Variants in CCSER1 observed in about 807,000 individuals in gnomAD.
CCSER1 encodes the protein coiled-coil serine rich protein 1.
In CCSER1, 41 loss-of-function variants were observed where a neutral mutation model predicts 82.0. That is an observed-to-expected ratio of 0.50 (90% CI 0.39 to 0.65). CCSER1 has a LOEUF of 0.65. Ranked by LOEUF, CCSER1 falls within the 30% of genes least tolerant of loss-of-function variation. CCSER1 has a pLI of 0.00. For missense variants in CCSER1, 1,119 were observed against 1,064.2 expected, an observed-to-expected ratio of 1.05 and a Z score of -0.72; for synonymous variants, 414 against 383.9, an observed-to-expected ratio of 1.08 and a Z score of -0.92.
chr4:90,863,552 C>A (rs1765356337), intron 8 of CCSER1, among the ~76,000 whole-genome samples: 1 of 150,538 alleles, frequency 6.6e-6, no homozygotes, highest in Admixed American at 6.6e-5. Context: ...TTCTTTTTTT[C>A]TTTTTACAGC....
intron 5 of CCSER1, among the ~76,000 whole-genome samples, chr4:90,511,812 G>C (rs896877237): frequency 1.3e-5 from 2 of 152,136 alleles, no homozygotes; most frequent in Admixed American, 1.3e-4. Context: ...ATAGGTATAA[G>C]GGGAGGTAAT....
At chr4:90,286,293 G>C (rs1277083975) in intron 1 of CCSER1, among the ~76,000 whole-genome samples, 1 of 151,808 alleles carries the variant, frequency 6.6e-6, no homozygotes, top group African/African-American at 2.4e-5. Flanking sequence ...AGACTTCCTA[G>C]TACTGTTTCT....
intron 10 of CCSER1, among the ~76,000 whole-genome samples, chr4:91,160,720 T>C (rs539289070): frequency 6.6e-6 from 1 of 152,206 alleles, no homozygotes; most frequent in South Asian, 2.1e-4. Flanking sequence ...GTACATATCC[T>C]TTGCCCACTT....
At chr4:90,243,510 G>C (rs951093253) in intron 1 of CCSER1, among the ~76,000 whole-genome samples, 3 of 151,714 alleles carry the variant, frequency 2.0e-5, no homozygotes, top group African/African-American at 4.9e-5. Flanking sequence ...GCCTCCCAGA[G>C]TGTTGGGATT....
chr4:90,481,158 C>G (rs1337409160), intron 5 of CCSER1, among the ~76,000 whole-genome samples: 1 of 152,146 alleles, frequency 6.6e-6, no homozygotes, highest in Admixed American at 6.5e-5. Context: ...TGGGAGTTCA[C>G]TCATGATTTG....
intron 5 of CCSER1, among the ~76,000 whole-genome samples, chr4:90,507,245 A>T (rs148015273): frequency 0.012 from 1,768 of 152,218 alleles, 13 homozygotes; most frequent in South Asian, 0.022. Context: ...CTTAAAAAAA[A>T]ATAGACATGT....
chr4:90,439,158 G>T (rs1013787374), intron 4 of CCSER1, among the ~76,000 whole-genome samples: 2 of 151,930 alleles, frequency 1.3e-5, no homozygotes, highest in Non-Finnish European at 2.9e-5. Flanking sequence ...TCAGTCGTGG[G>T]CACCTGTGGT....
intron 6 of CCSER1, among the ~76,000 whole-genome samples, chr4:90,629,025 T>C (rs1455879330): frequency 1.3e-5 from 2 of 152,172 alleles, no homozygotes; most frequent in Admixed American, 1.3e-4. Context: ...TATTACATCC[T>C]ATTATATTTA....
chr4:90,219,354 C>G (rs11097245), intron 1 of CCSER1, among the ~76,000 whole-genome samples: 99,431 of 152,026 alleles, frequency 0.65, 35,013 homozygotes, highest in African/African-American at 0.91. Context: ...GATTAATTCT[C>G]TTATCAGGTT....
At chr4:91,435,646 A>AT (rs988479246) in intron 10 of CCSER1, among the ~76,000 whole-genome samples, 4 of 152,146 alleles carry the variant, frequency 2.6e-5, no homozygotes, top group African/African-American at 9.7e-5. Context: ...TCTTTTATAT[A>AT]TTTTTTGAAA....
chr4:90,880,431 G>A (rs1721129631), intron 8 of CCSER1, among the ~76,000 whole-genome samples: 1 of 152,190 alleles, frequency 6.6e-6, no homozygotes, highest in Admixed American at 6.5e-5. Flanking sequence ...AGTTGGAGGT[G>A]TGTGGGACCC....
At chr4:90,283,450 A>AT (rs1480866622) in intron 1 of CCSER1, among the ~76,000 whole-genome samples, 5 of 152,034 alleles carry the variant, frequency 3.3e-5, no homozygotes, top group African/African-American at 1.2e-4. Context: ...AATCAGGATA[A>AT]TTGGAAAAAT....
intron 9 of CCSER1, among the ~76,000 whole-genome samples, chr4:90,969,582 C>CAT (rs1397640391): frequency 6.6e-6 from 1 of 151,854 alleles, no homozygotes; most frequent in East Asian, 1.9e-4. Flanking sequence ...AAGAGATAAA[C>CAT]ACTTTCCCAG....
At chr4:90,803,855 ACATCTTCTCCAG>A (rs1025696504) in intron 7 of CCSER1, among the ~76,000 whole-genome samples, 8 of 152,236 alleles carry the variant, frequency 5.3e-5, no homozygotes, top group African/African-American at 1.9e-4. Flanking sequence ...CTATTTCTCC[ACATCTTCTCCAG>A]CATCTGTTGT....
intron 9 of CCSER1, among the ~76,000 whole-genome samples, chr4:91,034,941 TTGACATTTTCTTCATGA>T (rs1443385672): frequency 1.3e-5 from 2 of 152,154 alleles, no homozygotes; most frequent in African/African-American, 4.8e-5. Context: ...GAGAAATAGC[TTGACATTTTCTTCATGA>T]TGACAAAGCC....
chr4:90,296,856 G>C (rs528994219), intron 1 of CCSER1, among the ~76,000 whole-genome samples: 4,762 of 151,858 alleles, frequency 0.031, 192 homozygotes, highest in African/African-American at 0.095. Context: ...ATCTATATCT[G>C]TGTTTTGGTA....
At chr4:91,359,687 A>T (rs1749116546) in intron 10 of CCSER1, among the ~76,000 whole-genome samples, 1 of 151,608 alleles carries the variant, frequency 6.6e-6, no homozygotes, top group Non-Finnish European at 1.5e-5. Context: ...AAAAGGGCTA[A>T]GCAATCTTGC....
chr4:90,243,092 C>G (rs1039302559), intron 1 of CCSER1, among the ~76,000 whole-genome samples: 1 of 113,024 alleles, frequency 8.8e-6, no homozygotes, highest in Non-Finnish European at 1.7e-5. Context: ...AAAATAGGAT[C>G]TTGGTCTCTT....
chr4:91,346,564 A>C (rs1748076964), intron 10 of CCSER1, among the ~76,000 whole-genome samples: 1 of 152,274 alleles, frequency 6.6e-6, no homozygotes, highest in Non-Finnish European at 1.5e-5. Context: ...AAATTGCAAA[A>C]CTGTCTTCCA....
Sources: gnomAD v4.1 joint callset for allele counts (sites outside exome capture counted in the v4.1 genomes callset) on GRCh38, gnomAD v4.1.1 for gene constraint, MANE v1.5 for transcripts, NCBI Gene and HGNC (gene_info 2026-07-23, HGNC 2026-07-21) for gene names.